Variants in CFAP74 observed in about 807,000 individuals in gnomAD.
The protein encoded by CFAP74 is cilia- and flagella-associated protein 74.
A neutral mutation model predicts 188.9 loss-of-function variants in CFAP74; 124 were observed. The ratio of observed to expected loss-of-function variants is 0.66; its 90% confidence interval spans 0.57 to 0.76. The LOEUF (loss-of-function observed/expected upper bound fraction) is 0.76. Among genes scored for constraint, CFAP74 ranks in the 30% least tolerant of loss-of-function variants. CFAP74 has a pLI of 0.00. For missense variants in CFAP74, 2,198 were observed against 2,165.2 expected, an observed-to-expected ratio of 1.02 and a Z score of -0.30; for synonymous variants, 956 against 916.7, an observed-to-expected ratio of 1.04 and a Z score of -0.77.
Position 1,922,342 on chromosome 1 carries a change from T to C in CFAP74, c.4865A>G (p.Asp1622Gly). The C allele has an allele frequency of 6.2e-7, 1 of 1,604,252 alleles. No individual in the cohort carries two copies. ...GATGACCTTGTAGGTCTCCTTCACA[T>C]CCCCCCTTAGCTGCAGCAGGGCCGA... The part of the protein sequence containing the change: ...MVSALLQLRG[D>G]VKETYKVIFV... Residue 1622 changes from aspartate (D) to glycine (G), a missense_variant, in exon 39 of 39, where the codon GAT becomes GGT. Coordinates refer to ENST00000682832, the MANE Select transcript of CFAP74 (RefSeq NM_001304360.2).
Position 1,922,160 on chromosome 1 carries a change from G to A in CFAP74, c.*127C>T. The A allele has an allele frequency of 1.7e-6, 1 of 601,822 alleles. No homozygotes were observed. The highest frequency in any genetic ancestry group is 2.7e-6 in the Non-Finnish European group (1 of 365,618). 37.3% of individuals were successfully genotyped at this position (601,822 alleles called of 1,614,324 possible). ...GGAAGTGGCCGTGGCGCCATGTGGA[G>A]GGCGGCCTATTGGAATCTGGCAGAG... On this transcript the variant is annotated 3_prime_UTR_variant, in exon 39 of 39. Coordinates refer to ENST00000682832, the MANE Select transcript of CFAP74 (RefSeq NM_001304360.2).
chr1:1,943,001 C>T (rs1653490045), intron 21 of CFAP74, among the ~76,000 whole-genome samples: 2 of 152,216 alleles, frequency 1.3e-5, no homozygotes, highest in South Asian at 2.1e-4. Flanking sequence ...CGTCTGGGCA[C>T]GCCAGCCTCT....
At chr1:1,925,148 C>G (rs1474931914) in intron 33 of CFAP74, among the ~76,000 whole-genome samples, 1 of 139,858 alleles carries the variant, frequency 7.2e-6, no homozygotes, top group Non-Finnish European at 1.5e-5. Flanking sequence ...GCACGCAGGG[C>G]AGGGCGAAGG....
rs757715669 is a variant in CFAP74 at position 1,974,019 on chromosome 1, G to A, written c.674+6C>T. On this transcript the variant is annotated splice_donor_region_variant and intron_variant, in intron 7 of 38. Coordinates refer to ENST00000682832, the MANE Select transcript of CFAP74 (RefSeq NM_001304360.2). ...AGGGATGGAGGTGGGCCTGGGTGTC[G>A]CCTACCTGATCCTCAGCAGTCGGTT... 26 of 1,553,418 alleles carry A rather than the reference G, an allele frequency of 1.7e-5. No homozygotes were observed. The highest frequency in any genetic ancestry group is 3.5e-5 in the South Asian group (3 of 84,664).
chr1:1,958,530 CG>C (rs1417157234), intron 16 of CFAP74, among the ~76,000 whole-genome samples: 8 of 152,116 alleles, frequency 5.3e-5, no homozygotes, highest in African/African-American at 1.9e-4. Flanking sequence ...AATTACTCGG[CG>C]GGGGCCGGGG....
At position 1,968,931 on chromosome 1, in the gene CFAP74, TGGGGGCTCCGGTCCTGCCCAGCAGCCCCA is replaced by T; in HGVS notation, c.1047-127_1047-99del. ...CGGCGGCCCCTCCCTAGCGCCCTCCTGGGGGCTCCGGTCCTGCCCAGCAGCCCCAGGTGAGACAGCGCCTGGCGGCCCCT... is the reference window on the plus strand; with the variant it reads ...CGGCGGCCCCTCCCTAGCGCCCTCCTGGTGAGACAGCGCCTGGCGGCCCCT... On this transcript the variant is annotated intron_variant, in intron 10 of 38. Coordinates refer to ENST00000682832, the MANE Select transcript of CFAP74 (RefSeq NM_001304360.2). This position sits in a 1 kb window ranked among gnomAD's most constrained non-coding sequence, Gnocchi z 4.3. 4.4e-6 allele frequency: 3 copies of T among 679,938 alleles called. No homozygotes were observed. Among genetic ancestry groups the T allele is most frequent in the Non-Finnish European group, 6.6e-6 (3 of 457,504 alleles). 42.1% of individuals were successfully genotyped at this position (679,938 alleles called of 1,614,324 possible). A position where few individuals can be genotyped will look rare whatever the true frequency, so the allele number is the denominator to read the frequency against.
In CFAP74 at chr1:1,955,488, C is replaced by T. The variant is rs779561434; in HGVS notation, c.2176+203G>A. 1.8e-5 allele frequency: 29 copies of T among 1,595,426 alleles called. No individual in the cohort carries two copies. In the African/African-American group the frequency reaches 1.9e-4, roughly 10 times the overall value. The stretch of plus-strand genomic sequence containing the variant: ...CCTTCAAGTCTTCGGTTAGCGTCAA[C>T]GTGAATGTACATTTTCGTCCACTCC... On this transcript the variant is annotated intron_variant, in intron 18 of 38. Transcript: ENST00000682832.
chr1:1,923,731 G>T lies in CFAP74; in HGVS notation c.4389+44C>A. Reference sequence around the variant, plus strand: ...CAGCCAAAGGCAAGGCCCTGCGTGGGGCCAGGGCCGGGCCGGGCTGAGCTT... The same window carrying T: ...CAGCCAAAGGCAAGGCCCTGCGTGGTGCCAGGGCCGGGCCGGGCTGAGCTT... On this transcript the variant is annotated intron_variant, in intron 35 of 38. Transcript: ENST00000682832. The surrounding 1 kb of genome is among the most constrained non-coding windows in gnomAD (Gnocchi z 6.3). The T allele has an allele frequency of 6.2e-7, 1 of 1,611,742 alleles. No individual in the cohort carries two copies.
intron 18 of CFAP74, among the ~76,000 whole-genome samples, chr1:1,951,711 A>G (rs1040469718): frequency 6.6e-6 from 1 of 152,228 alleles, no homozygotes; most frequent in Non-Finnish European, 1.5e-5. Context: ...GCATTGATCC[A>G]TAGTTAGTTC....
At chr1:1,949,108 T>TCC (rs1250100172) in intron 18 of CFAP74, among the ~76,000 whole-genome samples, 5 of 121,394 alleles carry the variant, frequency 4.1e-5, no homozygotes, top group African/African-American at 1.6e-4. Flanking sequence ...TTTCCTTCCT[T>TCC]CCTTTCCTTT....
chr1:1,959,765 T>C (rs553260795), intron 15 of CFAP74, among the ~76,000 whole-genome samples, 199 bp downstream of exon 15: 3 of 152,208 alleles, frequency 2.0e-5, no homozygotes, highest in Non-Finnish European at 4.4e-5. Flanking sequence ...CCAGAGGAGC[T>C]GCGCCGCGGT....
chr1:1,945,759 T>TA (rs1229228105), intron 20 of CFAP74, among the ~76,000 whole-genome samples: 1 of 150,612 alleles, frequency 6.6e-6, no homozygotes, highest in Non-Finnish European at 1.5e-5. Flanking sequence ...GCCCAGGGGT[T>TA]AGAGGCTGAA....
intron 16 of CFAP74, 110 bp downstream of exon 16, chr1:1,959,010 C>T: frequency 1.4e-6 from 1 of 723,828 alleles, no homozygotes. Context: ...TTGGAGCTTC[C>T]ACCTGGTCCC....
At chr1:1,948,412 A>AAAT (rs1653930566) in intron 18 of CFAP74, among the ~76,000 whole-genome samples, 1 of 144,408 alleles carries the variant, frequency 6.9e-6, no homozygotes, top group Non-Finnish European at 1.5e-5. Flanking sequence ...GGCATATATA[A>AAAT]ATATATATAT....
intron 2 of CFAP74, among the ~76,000 whole-genome samples, chr1:1,989,426 G>A (rs776458706): frequency 4.2e-4 from 64 of 152,174 alleles, no homozygotes; most frequent in Non-Finnish European, 7.5e-4. Flanking sequence ...CGTTCCTTCT[G>A]CTCATCCACC....
rs1570803412 is a variant in CFAP74 at position 1,922,981 on chromosome 1, G to A, written c.4683+4C>T. On this transcript the variant is annotated splice_donor_region_variant and intron_variant, in intron 37 of 38. Coordinates refer to ENST00000682832, the MANE Select transcript of CFAP74 (RefSeq NM_001304360.2). ...GGTGTCCCCAGGGGCAGTGCTGTGG[G>A]CACCTTCTTTGGAGATGGCTGGGTG... 1 of 1,573,844 alleles carries A rather than the reference G, an allele frequency of 6.4e-7. No homozygotes were observed. Among genetic ancestry groups the A allele is most frequent in the Admixed American group, 1.9e-5 (1 of 51,944 alleles).
In CFAP74 at chr1:1,926,953, G is replaced by C; in HGVS notation, c.3603C>G (p.Pro1201=). The change falls in exon 29 of 39, where the codon CCC becomes CCG. Residue 1201 remains proline, a synonymous_variant. Coordinates refer to ENST00000682832, the MANE Select transcript of CFAP74 (RefSeq NM_001304360.2). ...FQAKFDTFVV[P]CVVASGDIKD... ...TGATGTCGCCACTGGCAACAACACAGGGAACTACAAATGTGTCAAACTTCG... is the reference window on the plus strand; with the variant it reads ...TGATGTCGCCACTGGCAACAACACACGGAACTACAAATGTGTCAAACTTCG... The C allele has an allele frequency of 6.5e-7, 1 of 1,550,296 alleles. No homozygotes were observed. Among genetic ancestry groups the C allele is most frequent in the East Asian group, 2.4e-5 (1 of 40,926 alleles).
At chr1:1,946,491 T>A (rs1558012046) in intron 19 of CFAP74, 52 bp from the exon 20 acceptor site, 1 of 1,487,298 alleles carries the variant, frequency 6.7e-7, no homozygotes. Flanking sequence ...GCTTTTAAGA[T>A]CCCTTCCCAA....
At chr1:1,933,904 C>T (rs1652612491) in intron 25 of CFAP74, among the ~76,000 whole-genome samples, 1 of 152,182 alleles carries the variant, frequency 6.6e-6, no homozygotes, top group South Asian at 2.1e-4. Context: ...TTTCTAATAT[C>T]TGCGTTTAGA....
Sources: allele counts gnomAD v4.1 joint callset (sites outside exome capture counted in the v4.1 genomes callset), GRCh38; gene constraint gnomAD v4.1.1; non-coding constraint Gnocchi (gnomAD v3.1); transcripts MANE v1.5; gene names NCBI Gene and HGNC (gene_info 2026-07-23, HGNC 2026-07-21).